The following ABCA13 variants were observed in gnomAD, a reference collection of about 807,000 sequenced individuals.
ABCA13 encodes ATP binding cassette subfamily A member 13.
Under a neutral mutation model 478.7 loss-of-function variants are expected in ABCA13, and 476 were observed. That is an observed-to-expected ratio of 0.99 (90% CI 0.92 to 1.07). The LOEUF (loss-of-function observed/expected upper bound fraction) is 1.07, where lower values mean the gene tolerates loss of function less well. ABCA13 is among the 50% of genes least tolerant of loss of function. The probability of loss-of-function intolerance (pLI) is 0.00; values close to 1 mark genes in which losing one functional copy is unlikely to be tolerated. For missense variants in ABCA13, 6,060 were observed against 5,910.6 expected (o/e 1.03, Z -0.83); for synonymous variants, 2,252 against 2,158.9 (o/e 1.04, Z -1.20).
chr7:48,197,326 C>T (rs1352968621), intron 2 of ABCA13, among the ~76,000 whole-genome samples: 1 of 152,204 alleles, frequency 6.6e-6, no homozygotes, highest in Non-Finnish European at 1.5e-5. Flanking sequence ...CTCCAGGTTT[C>T]AGATGGGCCC....
intron 32 of ABCA13, among the ~76,000 whole-genome samples, chr7:48,368,248 A>T (rs964237763): frequency 1.3e-5 from 2 of 152,164 alleles, no homozygotes; most frequent in African/African-American, 2.4e-5. Flanking sequence ...AGAATTTTTT[A>T]TGTAGAGACC....
chr7:48,389,003 G>T, intron 36 of ABCA13, 37 bp from the exon 37 acceptor site: 1 of 1,592,350 alleles, frequency 6.3e-7, no homozygotes, highest in Non-Finnish European at 8.6e-7. Flanking sequence ...TAGGGCTTTT[G>T]AAGTCTTTTC....
chr7:48,479,516 G>A (rs1308587121), intron 45 of ABCA13, among the ~76,000 whole-genome samples: 3 of 152,182 alleles, frequency 2.0e-5, no homozygotes, highest in Non-Finnish European at 4.4e-5. Flanking sequence ...GGGATTACAG[G>A]TGTGAGCCCC....
chr7:48,211,023 G>A (rs551384410), intron 3 of ABCA13, among the ~76,000 whole-genome samples: 1 of 152,258 alleles, frequency 6.6e-6, no homozygotes, highest in South Asian at 2.1e-4. Context: ...ATGCTCCAGA[G>A]TTGGATGCAC....
In ABCA13 at chr7:48,352,393, G is replaced by A. The variant is rs759818169; in HGVS notation, c.10594G>A (p.Glu3532Lys). 1.1e-5 allele frequency: 17 copies of A among 1,613,202 alleles called. No individual in the cohort carries two copies. In the African/African-American group the frequency reaches 1.5e-4, roughly 14 times the overall value. Residue 3532 changes from glutamate (E) to lysine (K), a missense_variant, in exon 31 of 62, where the codon GAA becomes AAA. Physicochemically the swap from Glu to Lys is moderately conservative, Grantham distance 56 (BLOSUM62 1). Coordinates refer to ENST00000435803, the MANE Select transcript of ABCA13 (RefSeq NM_152701.5). ...YVFAPLQDMI[E>K]RAIILVQTGQ... ...CTTTGCCCCACTGCAAGACATGATC[G>A]AAAGAGCCATCATTTTGGTGCAGAC...
Position 48,298,480 on chromosome 7 carries a change from ACT to A in ABCA13, c.9316_9317del (p.Ser3106GlnfsTer16). The A allele has an allele frequency of 6.2e-7, 1 of 1,611,902 alleles. No homozygotes were observed. The highest frequency in any genetic ancestry group is 1.1e-5 in the South Asian group (1 of 90,484). Reference sequence around the variant, plus strand: ...AGCATTCTAGAAGCAAATATTTCCCACTCCAAGGTGTGGTGCTGTTTCTTGTC... The same window carrying A: ...AGCATTCTAGAAGCAAATATTTCCCACCAAGGTGTGGTGCTGTTTCTTGTC... On this transcript the variant is annotated frameshift_variant, in exon 23 of 62. Transcript: ENST00000435803. LOFTEE classifies it high-confidence loss of function.
At position 48,272,599 on chromosome 7, in the gene ABCA13, T is replaced by G. The variant is rs1276440408; in HGVS notation, c.2933T>G (p.Ile978Ser). 5 of 1,613,366 alleles carry G rather than the reference T, an allele frequency of 3.1e-6. No homozygotes were observed. The South Asian group carries it at 5.5e-5, about 18-fold the overall frequency. The change falls in exon 17 of 62, where the codon ATT (isoleucine) becomes AGT (serine). Residue 978 changes from isoleucine to serine, a missense_variant. By Grantham distance (142) the Ile-to-Ser change is moderately radical. Transcript: ENST00000435803. ...CGATATATTTATGAATTATTGAATA[T>G]TCAGAGTAGAGGCTCTTCGTTGACT... ...FYRYIYELLNIQSRGSSLTFL... is the reference protein window; with the variant it reads ...FYRYIYELLNSQSRGSSLTFL...
At chr7:48,563,234 A>G (rs541655918) in intron 55 of ABCA13, among the ~76,000 whole-genome samples, 1 of 152,202 alleles carries the variant, frequency 6.6e-6, no homozygotes, top group Admixed American at 6.5e-5. Context: ...CTATGTGTAG[A>G]TTTGTGTTAC....
At chr7:48,525,332 C>T (rs1832815826) in intron 54 of ABCA13, among the ~76,000 whole-genome samples, 1 of 151,940 alleles carries the variant, frequency 6.6e-6, no homozygotes, top group African/African-American at 2.4e-5. Flanking sequence ...TTTTTGTACC[C>T]TTGCTTTAAA....
intron 57 of ABCA13, among the ~76,000 whole-genome samples, chr7:48,589,746 G>A (rs1407309516): frequency 2.0e-5 from 3 of 152,200 alleles, no homozygotes; most frequent in Non-Finnish European, 4.4e-5. Context: ...GGCACTGCCA[G>A]GTCCAGGTGT....
chr7:48,512,545 A>G (rs1180647080), intron 51 of ABCA13, among the ~76,000 whole-genome samples: 1 of 152,210 alleles, frequency 6.6e-6, no homozygotes. Context: ...TATTGATCCA[A>G]TTGAATGGAT....
At chr7:48,630,426 T>G (rs1207589690) in intron 59 of ABCA13, among the ~76,000 whole-genome samples, 3 of 152,204 alleles carry the variant, frequency 2.0e-5, no homozygotes, top group Admixed American at 6.5e-5. Context: ...GGTTTTCTGT[T>G]TCTGCATTAG....
At chr7:48,450,741 T>A (rs1243784142) in intron 42 of ABCA13, among the ~76,000 whole-genome samples, 1 of 152,124 alleles carries the variant, frequency 6.6e-6, no homozygotes, top group East Asian at 1.9e-4. Flanking sequence ...TCATATTCCC[T>A]CTCCCACTCA....
intron 54 of ABCA13, among the ~76,000 whole-genome samples, chr7:48,525,355 T>C (rs936850022): frequency 6.6e-6 from 1 of 152,150 alleles, no homozygotes; most frequent in Non-Finnish European, 1.5e-5. Flanking sequence ...TCATGATTAT[T>C]ATAGTTTTGC....
intron 42 of ABCA13, among the ~76,000 whole-genome samples, chr7:48,429,550 A>G (rs1257546796): frequency 6.6e-6 from 1 of 152,220 alleles, no homozygotes; most frequent in Non-Finnish European, 1.5e-5. Flanking sequence ...ATATCTTTTC[A>G]TAGGCTTCAT....
intron 57 of ABCA13, among the ~76,000 whole-genome samples, chr7:48,591,365 T>A (rs1789724094): frequency 6.6e-6 from 1 of 152,024 alleles, no homozygotes; most frequent in Non-Finnish European, 1.5e-5. Context: ...CCATACTTTT[T>A]AAATTATAAT....
At position 48,391,902 on chromosome 7, in the gene ABCA13, G is replaced by A. The variant is rs1816121086; in HGVS notation, c.11655-19G>A. On this transcript the variant is annotated intron_variant, in intron 37 of 61. Coordinates refer to ENST00000435803, the MANE Select transcript of ABCA13 (RefSeq NM_152701.5). ...ATCAGCAACGCGTATTCTCCATGCT[G>A]TCTTATTTTCTCTGGCAGATCCATG... 1 of 1,610,410 alleles carries A rather than the reference G, an allele frequency of 6.2e-7. No homozygotes were observed. The highest frequency in any genetic ancestry group is 8.5e-7 in the Non-Finnish European group (1 of 1,177,602).
intron 8 of ABCA13, among the ~76,000 whole-genome samples, chr7:48,237,415 A>G (rs1311618767): frequency 2.0e-5 from 3 of 152,200 alleles, no homozygotes; most frequent in Non-Finnish European, 4.4e-5. Flanking sequence ...ACTACTATCA[A>G]CCTTGCTAAA....
intron 55 of ABCA13, among the ~76,000 whole-genome samples, chr7:48,538,222 T>C (rs1833726986): frequency 6.6e-6 from 1 of 150,784 alleles, no homozygotes; most frequent in Non-Finnish European, 1.5e-5. Context: ...TGCCTCAGCC[T>C]CCTGAGTAGC....
Sources: allele counts gnomAD v4.1 joint callset (sites outside exome capture counted in the v4.1 genomes callset), GRCh38; gene constraint gnomAD v4.1.1; transcripts MANE v1.5; gene names NCBI Gene and HGNC (gene_info 2026-07-23, HGNC 2026-07-21).